ADSS1: variants seen among roughly 807,000 people sequenced by gnomAD.
ADSS1 encodes the protein adenylosuccinate synthase 1.
ADSS1 carries 57 observed loss-of-function variants against 59.1 expected under a neutral mutation model. That is an observed-to-expected ratio of 0.97 (90% confidence interval 0.78 to 1.20). ADSS1 has a LOEUF of 1.20. Ranked by LOEUF, ADSS1 falls within the 50% of genes most tolerant of loss-of-function variation. ADSS1 has a pLI of 0.00. For synonymous variants in ADSS1, 247 were observed against 249.4 expected (o/e 0.99, Z 0.09); for missense variants, 603 against 610.3 (o/e 0.99, Z 0.13).
rs572121632 is a variant in ADSS1, at chr14:104,734,461, G to A, written c.193-559G>A. Among the ~76,000 whole-genome samples the A allele has an allele frequency of 1.4e-4, 21 of 152,356 alleles. No homozygotes were observed. The Middle Eastern group carries it at 0.01, about 74-fold the overall frequency. ...GCTGTCTCATGGCAGGAGGGGGATT[G>A]GAGCCTGCACATGCTAGTCCCAGGC... On this transcript the variant is annotated intron_variant, in intron 1 of 12. Coordinates refer to ENST00000330877, the MANE Select transcript of ADSS1 (RefSeq NM_152328.5).
chr14:104,746,842 T>C, intron 12 of ADSS1, 109 bp from the exon 13 acceptor site: 1 of 1,124,614 alleles, frequency 8.9e-7, no homozygotes, highest in Non-Finnish European at 1.3e-6. Context: ...GGAGAGAAAA[T>C]AGCCCCTTTT....
chr14:104,736,881 G>GATTATATATAT lies in ADSS1; in HGVS notation c.296-1493_296-1492insTATATATATAT, dbSNP rs1254196679. Among the ~76,000 whole-genome samples the GATTATATATAT allele has an allele frequency of 2.1e-3, 229 of 106,568 alleles. 10 individuals carry two copies. Among genetic ancestry groups the GATTATATATAT allele is most frequent in the African/African-American group, 7.0e-3 (196 of 28,118 alleles). 69.9% of individuals were successfully genotyped at this position (106,568 alleles called of 152,430 possible). ...CAGGCTTATGCCACCGCACCTAGCT[G>GATTATATATAT]ATATATATATATATATATATATATA... On this transcript the variant is annotated intron_variant, in intron 2 of 12. Transcript: ENST00000330877.
chr14:104,730,356 G>T, intron 1 of ADSS1: 3 of 936,400 alleles, frequency 3.2e-6, no homozygotes, highest in Non-Finnish European at 4.5e-6. Flanking sequence ...TGGGCATGCT[G>T]GTGGGCGCCT....
chr14:104,743,458 G>A (rs972123725), intron 10 of ADSS1: 65 of 432,480 alleles, frequency 1.5e-4, no homozygotes, highest in African/African-American at 1.2e-3. Context: ...CTTGTGAGAG[G>A]TTAAAATGCT....
chr14:104,744,799 T>TGGCTGCG lies in ADSS1; in HGVS notation c.1074-9_1074-8insGCGGGCT. On this transcript the variant is annotated splice_polypyrimidine_tract_variant and intron_variant, in intron 10 of 12. Coordinates refer to ENST00000330877, the MANE Select transcript of ADSS1 (RefSeq NM_152328.5). Reference sequence around the variant, plus strand: ...CACTTCTTGGGTTTGCCCGGCCCCTTGGCTTTCCACAGGCTGGCCCTGACG... The same window carrying TGGCTGCG: ...CACTTCTTGGGTTTGCCCGGCCCCTTGGCTGCGGGCTTTCCACAGGCTGGCCCTGACG... 6.2e-7 allele frequency: 1 copy of TGGCTGCG among 1,614,022 alleles called. No individual in the cohort carries two copies. Among genetic ancestry groups the TGGCTGCG allele is most frequent in the Non-Finnish European group, 8.5e-7 (1 of 1,179,950 alleles).
At position 104,740,765 on chromosome 14, in the gene ADSS1, T is replaced by C; in HGVS notation, c.584+57T>C. The C allele has an allele frequency of 3.7e-6, 6 of 1,612,608 alleles. No individual in the cohort carries two copies. The highest frequency in any genetic ancestry group is 1.1e-5 in the South Asian group (1 of 91,062). ...ATGGGGAGAAGTTGCCGGAAGGGAC[T>C]GTGGCTAGTGGGGAGGGCCCTGAGG... On this transcript the variant is annotated intron_variant, in intron 6 of 12. Coordinates refer to ENST00000330877, the MANE Select transcript of ADSS1 (RefSeq NM_152328.5). This position sits in a 1 kb window ranked among gnomAD's most constrained non-coding sequence, Gnocchi z 4.8.
intron 1 of ADSS1, among the ~76,000 whole-genome samples, chr14:104,734,584 A>C (rs2140777138): frequency 6.6e-6 from 1 of 152,178 alleles, no homozygotes; most frequent in East Asian, 1.9e-4. Context: ...TTTCTTTTTC[A>C]TTCTTAGACG....
At position 104,740,622 on chromosome 14, in the gene ADSS1, A is replaced by G. The variant is rs1325765099; in HGVS notation, c.498A>G (p.Gly166=). Residue 166 remains glycine, a synonymous_variant, in exon 6 of 13, where the codon GGA becomes GGG. Coordinates refer to ENST00000330877, the MANE Select transcript of ADSS1 (RefSeq NM_152328.5). This position sits in a 1 kb window ranked among gnomAD's most constrained non-coding sequence, Gnocchi z 4.8. ...TCAGTATAGGCACCACCAAGAAGGG[A>G]ATCGGACCAACCTACTCTTCCAAAG... ...EGKNIGTTKK[G]IGPTYSSKAA... is the part of the protein sequence containing the mutation. 6.2e-7 allele frequency: 1 copy of G among 1,613,372 alleles called. No homozygotes were observed. The highest frequency in any genetic ancestry group is 2.2e-5 in the East Asian group (1 of 44,836).
chr14:104,746,048 T>C, intron 11 of ADSS1, 188 bp from the exon 12 acceptor site: 1 of 642,172 alleles, frequency 1.6e-6, no homozygotes, highest in Non-Finnish European at 2.6e-6. Context: ...TGAGCCCCAC[T>C]GCTGTCCCCT....
chr14:104,730,582 G>A lies in ADSS1; in HGVS notation c.193-4438G>A, dbSNP rs117390334. 6.2e-3 allele frequency among the ~76,000 whole-genome samples: 947 copies of A among 152,258 alleles called. 6 individuals carry two copies. The highest frequency in any genetic ancestry group is 0.028 in the South Asian group (133 of 4,824). On this transcript the variant is annotated intron_variant, in intron 1 of 12. Coordinates refer to ENST00000330877, the MANE Select transcript of ADSS1 (RefSeq NM_152328.5). ...AGATAGATAGATGATATGGAGAGAG[G>A]TGTAGAGAGATATTTACTTATAAAT...
intron 1 of ADSS1, among the ~76,000 whole-genome samples, chr14:104,729,177 G>A (rs1890807275): frequency 6.6e-6 from 1 of 152,184 alleles, no homozygotes; most frequent in Non-Finnish European, 1.5e-5. Flanking sequence ...TGGCAGTAAA[G>A]GGCCTATGGA....
At chr14:104,739,198 C>A in intron 3 of ADSS1, 130 bp from the exon 4 acceptor site, 1 of 898,134 alleles carries the variant, frequency 1.1e-6, no homozygotes, top group Non-Finnish European at 1.7e-6. Flanking sequence ...ACAGAGGTGG[C>A]CCTGTCAGCC....
intron 1 of ADSS1, among the ~76,000 whole-genome samples, chr14:104,733,939 CCTT>C (rs1891023193): frequency 6.6e-6 from 1 of 152,220 alleles, no homozygotes. Flanking sequence ...GGAGACCTGG[CCTT>C]CTCTCCTGGG....
chr14:104,741,993 G>C lies in ADSS1; in HGVS notation c.939G>C (p.Glu313Asp), dbSNP rs770910346. 1 of 1,612,900 alleles carries C rather than the reference G, an allele frequency of 6.2e-7. No homozygotes were observed. Among genetic ancestry groups the C allele is most frequent in the Non-Finnish European group, 8.5e-7 (1 of 1,179,878 alleles). ...TGGGCATCGGGGCCTTCCCCACCGA[G>C]CAGATCAACGTGAGTCCCCAGCCCC... is the stretch of plus-strand genomic sequence containing the variant. ...TRVGIGAFPTEQINEIGGLLQ... is the reference protein window; with the variant it reads ...TRVGIGAFPTDQINEIGGLLQ... The change falls in exon 9 of 13, where the codon GAG (glutamate) becomes GAC (aspartate). Residue 313 changes from glutamate to aspartate, a missense_variant. By Grantham distance (45) the Glu-to-Asp change is conservative (BLOSUM62 2). Transcript: ENST00000330877.
rs76499872 is a variant in ADSS1, at chr14:104,743,640, G to A, written c.1073+449G>A. On this transcript the variant is annotated intron_variant, in intron 10 of 12. Transcript: ENST00000330877. Reference sequence around the variant, plus strand: ...GGCTGTCTCCCAGGGATCTGAAAGAGGCTTTGTGTGAGGGGTGGGCTCACA... The same window carrying A: ...GGCTGTCTCCCAGGGATCTGAAAGAAGCTTTGTGTGAGGGGTGGGCTCACA... 575 of 175,260 alleles carry A rather than the reference G, an allele frequency of 3.3e-3. 4 individuals carry two copies. The highest frequency in any genetic ancestry group is 0.013 in the African/African-American group (556 of 42,988). The allele number at this position is 175,260 out of a possible 1,614,324, so 10.9% of individuals were successfully genotyped here.
At position 104,740,946 on chromosome 14, in the gene ADSS1, G is replaced by A. The variant is rs906949934; in HGVS notation, c.666+26G>A. The A allele has an allele frequency of 1.9e-6, 3 of 1,613,350 alleles. No homozygotes were observed. Among genetic ancestry groups the A allele is most frequent in the Middle Eastern group, 1.6e-4 (1 of 6,082 alleles). Reference sequence around the variant, plus strand: ...GTGAAGTCGGGGCCGCAGTGTGGGGGCTGCGGAAGTGCTCCTCCAGGGAGG... The same window carrying A: ...GTGAAGTCGGGGCCGCAGTGTGGGGACTGCGGAAGTGCTCCTCCAGGGAGG... On this transcript the variant is annotated intron_variant, in intron 7 of 12. Transcript: ENST00000330877. This position sits in a 1 kb window ranked among gnomAD's most constrained non-coding sequence, Gnocchi z 4.8.
chr14:104,738,104 C>G (rs371664006), intron 2 of ADSS1: 2 of 285,480 alleles, frequency 7.0e-6, no homozygotes, highest in South Asian at 3.7e-5. Context: ...TCAAGCGATT[C>G]TCCTGCCTCA....
intron 1 of ADSS1, among the ~76,000 whole-genome samples, chr14:104,724,751 C>A (rs1164242646): frequency 6.6e-6 from 1 of 152,130 alleles, no homozygotes; most frequent in Non-Finnish European, 1.5e-5. Flanking sequence ...ACACCCGATC[C>A]TTAGGGGGTG....
At chr14:104,725,038 C>T (rs1342993475) in intron 1 of ADSS1, among the ~76,000 whole-genome samples, 3 of 152,108 alleles carry the variant, frequency 2.0e-5, no homozygotes, top group Non-Finnish European at 4.4e-5. Flanking sequence ...CAATTGGGGC[C>T]GCGCCTGAGG....
Sources: gnomAD v4.1 joint callset for allele counts (sites outside exome capture counted in the v4.1 genomes callset) on GRCh38, gnomAD v4.1.1 for gene constraint, Gnocchi (gnomAD v3.1) non-coding constraint, MANE v1.5 for transcripts, NCBI Gene and HGNC (gene_info 2026-07-23, HGNC 2026-07-21) for gene names.